The following PARD3 variants were observed in gnomAD, a reference collection of about 807,000 sequenced individuals.
PARD3 encodes par-3 family cell polarity regulator.
In PARD3, 75 loss-of-function variants were observed where a neutral mutation model predicts 155.4. That is an observed-to-expected ratio of 0.48 (90% CI 0.40 to 0.58). The LOEUF is 0.58. PARD3 is among the 20% of genes least tolerant of loss of function. The pLI is 0.00. For synonymous variants in PARD3, 576 were observed against 610.5 expected (o/e 0.94, Z 0.83); for missense variants, 1,642 against 1,721.7 (o/e 0.95, Z 0.82).
At chr10:34,652,375 G>A (rs1483149076) in intron 2 of PARD3, among the ~76,000 whole-genome samples, 1 of 152,202 alleles carries the variant, frequency 6.6e-6, no homozygotes, top group Non-Finnish European at 1.5e-5. Context: ...ACATATGGGT[G>A]TGATGGGGAG....
chr10:34,382,488 T>C (rs1841958535), intron 9 of PARD3, 52 bp downstream of exon 9: 2 of 1,565,384 alleles, frequency 1.3e-6, no homozygotes, highest in Admixed American at 2.0e-5. Flanking sequence ...TACCCTTGTG[T>C]GTTGCTGCTA....
chr10:34,213,360 A>C (rs1203756511), intron 22 of PARD3, among the ~76,000 whole-genome samples: 1 of 152,184 alleles, frequency 6.6e-6, no homozygotes, highest in Admixed American at 6.5e-5. Flanking sequence ...GAGGGCATTA[A>C]TCTATTCATG....
chr10:34,279,352 A>T (rs1465029101), intron 21 of PARD3, among the ~76,000 whole-genome samples: 1 of 151,860 alleles, frequency 6.6e-6, no homozygotes. Context: ...AGTTCTACAA[A>T]GCAGGTTAAC....
intron 11 of PARD3, among the ~76,000 whole-genome samples, chr10:34,372,991 T>C (rs947953807): frequency 1.3e-5 from 2 of 149,992 alleles, no homozygotes. Context: ...ATAAACATGA[T>C]TTTTTTTTCC....
At chr10:34,243,815 T>C (rs1413415367) in intron 22 of PARD3, among the ~76,000 whole-genome samples, 2 of 152,146 alleles carry the variant, frequency 1.3e-5, no homozygotes, top group Admixed American at 6.5e-5. Context: ...ATCTCAAATA[T>C]ATATATATAT....
At chr10:34,417,090 A>G (rs1845746473) in intron 5 of PARD3, among the ~76,000 whole-genome samples, 1 of 152,212 alleles carries the variant, frequency 6.6e-6, no homozygotes, top group Admixed American at 6.5e-5. Context: ...CCACCCAATC[A>G]GTAGCACCAA....
chr10:34,142,238 T>C (rs1948225764), intron 22 of PARD3, among the ~76,000 whole-genome samples: 1 of 152,170 alleles, frequency 6.6e-6, no homozygotes, highest in African/African-American at 2.4e-5. Flanking sequence ...TGAATTTAAA[T>C]GCACTTTAGA....
At chr10:34,480,972 T>G (rs2079050140) in intron 3 of PARD3, among the ~76,000 whole-genome samples, 2 of 151,816 alleles carry the variant, frequency 1.3e-5, no homozygotes, top group African/African-American at 4.8e-5. Flanking sequence ...TGCATAATTT[T>G]TGTAATTTTA....
chr10:34,209,644 C>T (rs1319272499), intron 22 of PARD3, among the ~76,000 whole-genome samples: 1 of 152,158 alleles, frequency 6.6e-6, no homozygotes, highest in African/African-American at 2.4e-5. Context: ...CCACCAATTA[C>T]TAGCTATGGG....
intron 3 of PARD3, among the ~76,000 whole-genome samples, chr10:34,516,137 G>A (rs542844490): frequency 6.6e-6 from 1 of 151,886 alleles, no homozygotes; most frequent in East Asian, 1.9e-4. Context: ...GCTAATTTTT[G>A]TATTTTTAGT....
At chr10:34,799,605 T>C (rs1842652507) in intron 1 of PARD3, among the ~76,000 whole-genome samples, 1 of 152,204 alleles carries the variant, frequency 6.6e-6, no homozygotes, top group South Asian at 2.1e-4. Context: ...TCACTTACTC[T>C]TTCTTATGGA....
chr10:34,482,210 T>C (rs1039365417), intron 3 of PARD3, among the ~76,000 whole-genome samples: 2 of 151,748 alleles, frequency 1.3e-5, no homozygotes, highest in African/African-American at 2.4e-5. Context: ...AATTTTTTTA[T>C]GTTCTGTAGA....
At chr10:34,131,428 G>A in intron 23 of PARD3, 35 bp downstream of exon 23, 2 of 1,612,924 alleles carry the variant, frequency 1.2e-6, no homozygotes, top group Non-Finnish European at 1.7e-6. Flanking sequence ...GGAAGTTGTA[G>A]GACCATTCAC....
At chr10:34,474,204 A>C (rs925367178) in intron 3 of PARD3, among the ~76,000 whole-genome samples, 1 of 152,196 alleles carries the variant, frequency 6.6e-6, no homozygotes, top group African/African-American at 2.4e-5. Flanking sequence ...AGGATGGCCA[A>C]ATGACATCAT....
In PARD3 at chr10:34,374,908, A is replaced by C. The variant is rs760497196; in HGVS notation, c.1634T>G (p.Phe545Cys). ...TGGGTGGAAGGCGTCTTCCTGGCGA[A>C]AGACCAGAAGGCTCACAGTTCCTTC... is the stretch of plus-strand genomic sequence containing the variant. ...KMEGTVSLLVFRQEDAFHPRE... is the reference protein window; with the variant it reads ...KMEGTVSLLVCRQEDAFHPRE... Residue 545 changes from phenylalanine to cysteine, a missense_variant, in exon 11 of 25, where the codon TTT (phenylalanine) becomes TGT (cysteine). Physicochemically the swap from Phe to Cys is radical, Grantham distance 205. This residue lies in a region of PARD3 where 1,529 missense variants were observed against 1,587.3 expected (regional missense o/e 0.96). Transcript: ENST00000374788. The C allele has an allele frequency of 6.2e-7, 1 of 1,614,008 alleles. No homozygotes were observed. Among genetic ancestry groups the C allele is most frequent in the South Asian group, 1.1e-5 (1 of 91,066 alleles).
chr10:34,709,862 C>A (rs1275569538), intron 1 of PARD3, among the ~76,000 whole-genome samples: 1 of 152,168 alleles, frequency 6.6e-6, no homozygotes, highest in Non-Finnish European at 1.5e-5. Flanking sequence ...ATTCTCTCAG[C>A]TACTATTTGA....
Position 34,283,111 on chromosome 10 carries a change from T to C in PARD3, c.3176+1024A>G, listed in dbSNP as rs1956231987. ...GAAAAAATACCCAAACACTAATCTC[T>C]TTTAAATAAAACTGTTGTAGGATAC... On this transcript the variant is annotated intron_variant, in intron 21 of 24. Coordinates refer to ENST00000374788, the MANE Select transcript of PARD3 (RefSeq NM_001184785.2). Among the ~76,000 whole-genome samples, 5 of 152,242 alleles carry C rather than the reference T, an allele frequency of 3.3e-5. No homozygotes were observed. In the South Asian group the frequency reaches 1.0e-3, roughly 32 times the overall value.
intron 2 of PARD3, among the ~76,000 whole-genome samples, chr10:34,664,281 C>A (rs2093398335): frequency 1.3e-5 from 2 of 152,176 alleles, no homozygotes; most frequent in African/African-American, 4.8e-5. Flanking sequence ...CGGCTCACTG[C>A]AACCTCCACC....
rs1287118483 is a variant in PARD3 at position 34,631,079 on chromosome 10, TGGTG to T, written c.222+65235_222+65238del. ...ATCCGCCTACATCAGTCTCCCAAAGTGGTGGGATTACAGGCATGAGCTACTGTGC... is the reference window on the plus strand; with the variant it reads ...ATCCGCCTACATCAGTCTCCCAAAGTGGATTACAGGCATGAGCTACTGTGC... On this transcript the variant is annotated intron_variant, in intron 2 of 24. Transcript: ENST00000374788. 9.2e-5 allele frequency among the ~76,000 whole-genome samples: 14 copies of T among 152,160 alleles called. No homozygotes were observed. The South Asian group carries it at 2.9e-3, about 32-fold the overall frequency.
Sources: gnomAD v4.1 joint callset for allele counts (sites outside exome capture counted in the v4.1 genomes callset) on GRCh38, gnomAD v4.1.1 for gene constraint, gnomAD v4.1.1 regional missense constraint, MANE v1.5 for transcripts, NCBI Gene and HGNC (gene_info 2026-07-23, HGNC 2026-07-21) for gene names.